FAM3C: variants seen among roughly 807,000 people sequenced by gnomAD.
FAM3C encodes the protein protein FAM3C.
In FAM3C, 15 loss-of-function variants were observed where a neutral mutation model predicts 32.5. The ratio of observed to expected loss-of-function variants is 0.46; its 90% CI spans 0.31 to 0.71. The LOEUF (loss-of-function observed/expected upper bound fraction) is 0.71, where lower values mean the gene tolerates loss of function less well. Among genes scored for constraint, FAM3C ranks in the 30% least tolerant of loss-of-function variants. The pLI is 0.05. For missense variants in FAM3C, 175 were observed against 274.4 expected, an observed-to-expected ratio of 0.64 and a Z score of 2.56; for synonymous variants, 75 against 86.1, an observed-to-expected ratio of 0.87 and a Z score of 0.72.
intron 1 of FAM3C, among the ~76,000 whole-genome samples, chr7:121,393,533 C>A (rs547411017): frequency 6.6e-6 from 1 of 152,088 alleles, no homozygotes; most frequent in South Asian, 2.1e-4. Flanking sequence ...TTAGAAAAAT[C>A]ATGAATAGCG....
chr7:121,372,259 C>T (rs1794164305), intron 3 of FAM3C, 120 bp from the exon 4 acceptor site: 1 of 601,978 alleles, frequency 1.7e-6, no homozygotes, highest in East Asian at 2.8e-5. Context: ...TACAATAAAA[C>T]ATGAATATCA....
intron 8 of FAM3C, among the ~76,000 whole-genome samples, chr7:121,359,408 G>A (rs377617075): frequency 8.6e-5 from 13 of 150,904 alleles, no homozygotes; most frequent in Middle Eastern, 3.4e-3. Context: ...TATTCACCAC[G>A]TAAGTGAAGA....
intron 8 of FAM3C, among the ~76,000 whole-genome samples, chr7:121,353,507 T>C (rs1021728230): frequency 2.0e-5 from 3 of 152,216 alleles, no homozygotes; most frequent in African/African-American, 7.2e-5. Flanking sequence ...AGACTGACCC[T>C]TGGCTATCTG....
At chr7:121,381,037 C>T (rs1006354380) in intron 2 of FAM3C, among the ~76,000 whole-genome samples, 1 of 152,110 alleles carries the variant, frequency 6.6e-6, no homozygotes, top group Non-Finnish European at 1.5e-5. Context: ...TAGCAGTCTC[C>T]ATGGGGTTAG....
intron 8 of FAM3C, among the ~76,000 whole-genome samples, chr7:121,353,380 G>T (rs933816727): frequency 1.3e-5 from 2 of 152,154 alleles, no homozygotes; most frequent in African/African-American, 2.4e-5. Context: ...CTTAAAGATT[G>T]AGCTTTATGT....
intron 5 of FAM3C, among the ~76,000 whole-genome samples, chr7:121,368,604 A>C (rs144932555): frequency 1.0e-3 from 157 of 152,256 alleles, no homozygotes; most frequent in African/African-American, 3.7e-3. Flanking sequence ...CAATATAAAT[A>C]AAATCACGAC....
intron 1 of FAM3C, among the ~76,000 whole-genome samples, chr7:121,395,202 CATAT>C (rs1794659780): frequency 6.6e-6 from 1 of 151,162 alleles, no homozygotes. Context: ...TGGATACATA[CATAT>C]ATACGGATAC....
intron 8 of FAM3C, among the ~76,000 whole-genome samples, chr7:121,352,112 T>C (rs1253324715): frequency 6.6e-6 from 1 of 152,166 alleles, no homozygotes; most frequent in African/African-American, 2.4e-5. Flanking sequence ...ACAGGTCACT[T>C]AGAGAGGTTT....
intron 5 of FAM3C, among the ~76,000 whole-genome samples, chr7:121,368,957 TTTGTTG>T (rs1277528344): frequency 6.8e-6 from 1 of 146,124 alleles, no homozygotes; most frequent in African/African-American, 2.6e-5. Flanking sequence ...TTGTTCATTT[TTTGTTG>T]TTGTTGTTGT....
chr7:121,365,009 T>A (rs555233370), intron 5 of FAM3C, among the ~76,000 whole-genome samples: 4 of 152,154 alleles, frequency 2.6e-5, no homozygotes, highest in Admixed American at 2.6e-4. Context: ...AGAGGCAATA[T>A]GCACATATGT....
At chr7:121,389,304 C>A (rs1462598325) in intron 1 of FAM3C, among the ~76,000 whole-genome samples, 3 of 152,176 alleles carry the variant, frequency 2.0e-5, no homozygotes, top group South Asian at 2.1e-4. Flanking sequence ...TTTCAGAAAT[C>A]TGGTATTTAG....
chr7:121,384,202 T>C (rs1350974565), intron 1 of FAM3C, among the ~76,000 whole-genome samples: 1 of 152,194 alleles, frequency 6.6e-6, no homozygotes, highest in Non-Finnish European at 1.5e-5. Context: ...AACTGAGTTG[T>C]GTGTCATTGA....
chr7:121,363,307 A>C (rs1056060260), intron 6 of FAM3C, among the ~76,000 whole-genome samples: 1 of 152,162 alleles, frequency 6.6e-6, no homozygotes. Flanking sequence ...TAAACCTTTT[A>C]CAAAAAAGAA....
chr7:121,390,851 GGC>G (rs1491422285), intron 1 of FAM3C, among the ~76,000 whole-genome samples: 13 of 31,238 alleles, frequency 4.2e-4, no homozygotes, highest in Non-Finnish European at 1.1e-3. Flanking sequence ...GGCTGTGTGG[GGC>G]GGGGGGGGGG....
At chr7:121,382,435 C>T (rs955634493) in intron 2 of FAM3C, among the ~76,000 whole-genome samples, 2 of 151,842 alleles carry the variant, frequency 1.3e-5, no homozygotes, top group Non-Finnish European at 2.9e-5. Flanking sequence ...GACATTTAAA[C>T]TTTAAAACTT....
chr7:121,358,111 G>A (rs187557340), intron 8 of FAM3C, among the ~76,000 whole-genome samples: 3 of 152,100 alleles, frequency 2.0e-5, no homozygotes, highest in Admixed American at 1.3e-4. Flanking sequence ...TTGAATAGGC[G>A]AGTTTTATGT....
At chr7:121,354,808 C>T (rs1477983472) in intron 8 of FAM3C, among the ~76,000 whole-genome samples, 2 of 151,974 alleles carry the variant, frequency 1.3e-5, no homozygotes, top group Non-Finnish European at 2.9e-5. Context: ...TGAGGGAATA[C>T]GACTCTTTAC....
intron 8 of FAM3C, among the ~76,000 whole-genome samples, chr7:121,357,630 G>A (rs1484042605): frequency 2.0e-5 from 3 of 152,172 alleles, no homozygotes; most frequent in East Asian, 1.9e-4. Context: ...ATATAAATTC[G>A]TGTGCCCCAA....
intron 2 of FAM3C, among the ~76,000 whole-genome samples, chr7:121,379,991 C>T (rs1794317199): frequency 6.6e-6 from 1 of 152,184 alleles, no homozygotes; most frequent in Non-Finnish European, 1.5e-5. Context: ...TTTTCAAGAG[C>T]AACTTACAAG....
Sources: allele counts gnomAD v4.1 joint callset (sites outside exome capture counted in the v4.1 genomes callset), GRCh38; gene constraint gnomAD v4.1.1; transcripts MANE v1.5; gene names NCBI Gene and HGNC (gene_info 2026-07-23, HGNC 2026-07-21).